Variants in LRP1B observed in about 807,000 individuals in gnomAD.
LRP1B encodes low-density lipoprotein receptor-related protein 1B.
In LRP1B, 217 loss-of-function variants were observed where a neutral mutation model predicts 556.6. The observed-to-expected ratio is 0.39, with a 90% confidence interval of 0.35 to 0.44. The LOEUF (loss-of-function observed/expected upper bound fraction) is 0.44, where lower values mean the gene tolerates loss of function less well. Among genes scored for constraint, LRP1B ranks in the 20% least tolerant of loss-of-function variants. The pLI is 1.00. For missense variants in LRP1B, 5,053 were observed against 5,620.8 expected (o/e 0.90, Z 3.23); for synonymous variants, 2,047 against 1,865.8 (o/e 1.10, Z -2.50).
At chr2:140,836,672 A>T (rs1230302618) in intron 31 of LRP1B, among the ~76,000 whole-genome samples, 2 of 152,188 alleles carry the variant, frequency 1.3e-5, no homozygotes, top group Non-Finnish European at 2.9e-5. Context: ...GGTGTCTAAA[A>T]TAAGGATTTC....
intron 23 of LRP1B, among the ~76,000 whole-genome samples, chr2:140,899,793 G>A (rs1322451984): frequency 6.6e-6 from 1 of 152,080 alleles, no homozygotes; most frequent in Non-Finnish European, 1.5e-5. Flanking sequence ...TCGATAGAGG[G>A]CTCTGAAGAG....
intron 35 of LRP1B, among the ~76,000 whole-genome samples, chr2:140,758,536 A>C (rs1246908832): frequency 6.6e-6 from 1 of 152,024 alleles, no homozygotes; most frequent in Non-Finnish European, 1.5e-5. Flanking sequence ...TGATTGCAAA[A>C]CTGGTATTAT....
intron 86 of LRP1B, among the ~76,000 whole-genome samples, chr2:140,259,474 CAT>C (rs1252327610): frequency 6.6e-6 from 1 of 151,964 alleles, no homozygotes; most frequent in African/African-American, 2.4e-5. Context: ...GATTGAGAAT[CAT>C]AGTAAAATAA....
At chr2:141,684,292 T>C (rs1267131566) in intron 2 of LRP1B, among the ~76,000 whole-genome samples, 1 of 152,100 alleles carries the variant, frequency 6.6e-6, no homozygotes, top group Non-Finnish European at 1.5e-5. Context: ...GATGAGTTCA[T>C]GCCCATTGCA....
intron 10 of LRP1B, among the ~76,000 whole-genome samples, chr2:141,049,833 G>T (rs1698983354): frequency 6.6e-6 from 1 of 151,992 alleles, no homozygotes; most frequent in Non-Finnish European, 1.5e-5. Flanking sequence ...AGAGGCTGAT[G>T]CTGTCTGACA....
intron 24 of LRP1B, 57 bp from the exon 25 acceptor site, chr2:140,884,078 AG>A: frequency 6.7e-7 from 1 of 1,483,294 alleles, no homozygotes. Flanking sequence ...TTAAGCACAA[AG>A]GAAAAGGCCT....
chr2:141,522,088 G>T (rs761227922), intron 2 of LRP1B, among the ~76,000 whole-genome samples: 1 of 152,104 alleles, frequency 6.6e-6, no homozygotes, highest in Admixed American at 6.6e-5. Flanking sequence ...ACAAAGTGTG[G>T]CTCATAGATT....
chr2:141,883,083 G>T (rs1356757501), intron 1 of LRP1B, among the ~76,000 whole-genome samples: 2 of 151,996 alleles, frequency 1.3e-5, no homozygotes, highest in Non-Finnish European at 2.9e-5. Flanking sequence ...CCTATCTGTG[G>T]GCCAAATAGA....
chr2:141,325,272 G>A (rs1687392016), intron 3 of LRP1B, among the ~76,000 whole-genome samples: 1 of 151,778 alleles, frequency 6.6e-6, no homozygotes, highest in African/African-American at 2.4e-5. Context: ...TTGGAAGATG[G>A]GTCAACATTC....
chr2:141,711,267 C>G (rs1692344975), intron 2 of LRP1B, among the ~76,000 whole-genome samples: 1 of 152,152 alleles, frequency 6.6e-6, no homozygotes, highest in Admixed American at 6.5e-5. Flanking sequence ...ACATCTGACT[C>G]TAGCTATCCA....
At chr2:141,438,525 T>C (rs1680847183) in intron 3 of LRP1B, among the ~76,000 whole-genome samples, 1 of 152,162 alleles carries the variant, frequency 6.6e-6, no homozygotes. Context: ...CAGTCTTTCT[T>C]TTAAGACTGT....
In LRP1B at chr2:140,265,626, A is replaced by G. The variant is rs533407922; in HGVS notation, c.13247+4616T>C. The stretch of plus-strand genomic sequence containing the variant: ...AGTTTTTCACTCTATGAAGAAAATA[A>G]AAATATATTACCAACAAAAATAAAG... On this transcript the variant is annotated intron_variant, in intron 86 of 90. Coordinates refer to ENST00000389484, the MANE Select transcript of LRP1B (RefSeq NM_018557.3). Among the ~76,000 whole-genome samples, 25 of 152,220 alleles carry G rather than the reference A, an allele frequency of 1.6e-4. No homozygotes were observed. In the East Asian group the frequency reaches 4.8e-3, roughly 29 times the overall value.
At chr2:140,866,430 A>T (rs994502509) in intron 27 of LRP1B, among the ~76,000 whole-genome samples, 1 of 152,048 alleles carries the variant, frequency 6.6e-6, no homozygotes, top group African/African-American at 2.4e-5. Flanking sequence ...TTTTTTCTAT[A>T]ATGTCCTCAT....
At chr2:141,726,251 T>C (rs948511996) in intron 2 of LRP1B, among the ~76,000 whole-genome samples, 3 of 151,226 alleles carry the variant, frequency 2.0e-5, no homozygotes, top group African/African-American at 7.3e-5. Context: ...TATAAACATA[T>C]ACATATACTT....
intron 2 of LRP1B, among the ~76,000 whole-genome samples, chr2:141,650,477 G>C (rs560306073): frequency 6.6e-6 from 1 of 152,190 alleles, no homozygotes; most frequent in South Asian, 2.1e-4. Context: ...GCTTTGAGGG[G>C]CTTTTAAGAA....
At chr2:141,760,038 A>G (rs1299198979) in intron 2 of LRP1B, among the ~76,000 whole-genome samples, 3 of 152,180 alleles carry the variant, frequency 2.0e-5, no homozygotes, top group African/African-American at 4.8e-5. Context: ...CTGAGGCAGG[A>G]GAACCACTGC....
chr2:140,342,800 A>T lies in LRP1B; in HGVS notation c.11893-6962T>A, dbSNP rs77419687. ...ACCATATACACATAAATGCATTCAGATACATCAGAAACATAAATATTTAAA... is the reference window on the plus strand; with the variant it reads ...ACCATATACACATAAATGCATTCAGTTACATCAGAAACATAAATATTTAAA... On this transcript the variant is annotated intron_variant, in intron 77 of 90. Transcript: ENST00000389484. 7.9e-3 allele frequency among the ~76,000 whole-genome samples: 1,193 copies of T among 151,798 alleles called. 14 individuals carry two copies. Among genetic ancestry groups the T allele is most frequent in the Non-Finnish European group, 0.014 (973 of 67,730 alleles).
chr2:141,820,389 G>A (rs755103344), intron 1 of LRP1B, among the ~76,000 whole-genome samples: 2 of 152,240 alleles, frequency 1.3e-5, no homozygotes, highest in African/African-American at 4.8e-5. Flanking sequence ...GACCAAAAAT[G>A]CTTGAACTAG....
At chr2:140,952,738 A>G (rs558352407) in intron 18 of LRP1B, among the ~76,000 whole-genome samples, 1 of 152,160 alleles carries the variant, frequency 6.6e-6, no homozygotes, top group South Asian at 2.1e-4. Flanking sequence ...TCTGATAATC[A>G]AGGTGAATAG....
Sources: gnomAD v4.1 joint callset for allele counts (sites outside exome capture counted in the v4.1 genomes callset) on GRCh38, gnomAD v4.1.1 for gene constraint, MANE v1.5 for transcripts, NCBI Gene and HGNC (gene_info 2026-07-23, HGNC 2026-07-21) for gene names.